C6orf118: variants seen among roughly 807,000 people sequenced by gnomAD.
C6orf118 encodes uncharacterized protein C6orf118.
C6orf118 carries 50 observed loss-of-function variants against 50.2 expected under a neutral mutation model. The observed-to-expected ratio is 1.00, with a 90% CI of 0.79 to 1.26. The LOEUF is 1.26. Ranked by LOEUF, C6orf118 falls within the 50% of genes most tolerant of loss-of-function variation. The pLI is 0.00. For missense variants in C6orf118, 641 were observed against 578.7 expected, an observed-to-expected ratio of 1.11 and a Z score of -1.10; for synonymous variants, 239 against 230.9, an observed-to-expected ratio of 1.03 and a Z score of -0.32.
rs1259778773 is a variant in C6orf118, at chr6:165,300,289, G to T, written c.876+75C>A. 1.1e-5 allele frequency: 17 copies of T among 1,549,322 alleles called. No individual in the cohort carries two copies. In the Middle Eastern group the frequency reaches 1.0e-3, roughly 93 times the overall value. On this transcript the variant is annotated intron_variant, in intron 3 of 8. Coordinates refer to ENST00000230301, the MANE Select transcript of C6orf118 (RefSeq NM_144980.4). The stretch of plus-strand genomic sequence containing the variant: ...GTGATACCTAGCAGAATTTCAGTGC[G>T]GCTTGAGATCATTCTTGTACACAGA...
At chr6:165,298,148 C>A (rs769601721) in intron 4 of C6orf118, 47 bp from the exon 5 acceptor site, 27 of 1,511,562 alleles carry the variant, frequency 1.8e-5, no homozygotes, top group Non-Finnish European at 2.3e-5. Context: ...ACAGGGAGGG[C>A]GGGAGGACTC....
intron 3 of C6orf118, 142 bp downstream of exon 3, chr6:165,300,222 G>A (rs760236827): frequency 4.4e-6 from 4 of 908,084 alleles, no homozygotes; most frequent in Non-Finnish European, 6.4e-6. Flanking sequence ...AGATGACCTC[G>A]AGTCTCTGGG....
intron 6 of C6orf118, among the ~76,000 whole-genome samples, chr6:165,292,182 A>C (rs1214768834): frequency 6.6e-6 from 1 of 152,244 alleles, no homozygotes; most frequent in East Asian, 1.9e-4. Context: ...TGTCAAGCCC[A>C]GGGAATGACC....
At chr6:165,289,758 A>AT in intron 7 of C6orf118, 128 bp downstream of exon 7, 1 of 499,516 alleles carries the variant, frequency 2.0e-6, no homozygotes, top group South Asian at 4.9e-5. Context: ...ACATTTTGAA[A>AT]TAAAAAGTAC....
chr6:165,291,854 C>T (rs896685964), intron 6 of C6orf118, among the ~76,000 whole-genome samples: 10 of 152,072 alleles, frequency 6.6e-5, no homozygotes, highest in Non-Finnish European at 1.3e-4. Flanking sequence ...GAGAAAAAAA[C>T]AATTACTACT....
rs200559586 is a variant in C6orf118, at chr6:165,282,647, C to T, written c.1303-954G>A. On this transcript the variant is annotated intron_variant, in intron 7 of 8. Transcript: ENST00000230301. ...TTGTAAATCCTCAATACATTCAGCTCTTTTTTTTTTTTTTCCTGGTTGGAA... is the reference window on the plus strand; with the variant it reads ...TTGTAAATCCTCAATACATTCAGCTTTTTTTTTTTTTTTTCCTGGTTGGAA... Among the ~76,000 whole-genome samples the T allele has an allele frequency of 5.9e-4, 83 of 141,130 alleles. 2 individuals carry two copies. In the East Asian group the frequency reaches 7.8e-3, roughly 13 times the overall value. The allele number at this position is 141,130 out of a possible 152,430, so 92.6% of individuals were successfully genotyped here.
intron 6 of C6orf118, chr6:165,293,208 A>G (rs1780165620): frequency 1.8e-6 from 1 of 548,106 alleles, no homozygotes; most frequent in Admixed American, 2.9e-5. Flanking sequence ...TAATGAAAAG[A>G]TGAAGAACAA....
At chr6:165,291,604 C>T (rs188931745) in intron 6 of C6orf118, among the ~76,000 whole-genome samples, 10 of 152,158 alleles carry the variant, frequency 6.6e-5, no homozygotes, top group South Asian at 2.1e-4. Context: ...CAAGAGGCCA[C>T]GTCTAATAGG....
Position 165,302,085 on chromosome 6 carries a change from G to A in C6orf118, c.237C>T (p.His79=). 6.2e-7 allele frequency: 1 copy of A among 1,614,024 alleles called. No individual in the cohort carries two copies. Among genetic ancestry groups the A allele is most frequent in the South Asian group, 1.1e-5 (1 of 91,072 alleles). The change falls in exon 2 of 9, where the codon CAC becomes CAT. Residue 79 remains histidine (H), a synonymous_variant. Coordinates refer to ENST00000230301, the MANE Select transcript of C6orf118 (RefSeq NM_144980.4). The part of the protein sequence containing the change: ...LYQPPETILQ[H]WPNAHRPKGE... ...CCTTGGGCCGGTGGGCATTGGGCCAGTGCTGTAAGATCGTCTCCGGAGGCT... is the reference window on the plus strand; with the variant it reads ...CCTTGGGCCGGTGGGCATTGGGCCAATGCTGTAAGATCGTCTCCGGAGGCT...
chr6:165,292,546 C>T (rs1257837516), intron 6 of C6orf118, among the ~76,000 whole-genome samples: 2 of 151,930 alleles, frequency 1.3e-5, no homozygotes, highest in East Asian at 1.9e-4. Context: ...GTTTTTAAAT[C>T]GTGGGCCTGT....
Position 165,301,982 on chromosome 6 carries a change from T to C in C6orf118, c.340A>G (p.Ile114Val), listed in dbSNP as rs1308959392. The stretch of plus-strand genomic sequence containing the variant: ...TCACTGGGGACCAGGGCCGTGTGGA[T>C]GGTGAAGTGGGCCAGGGCCTCCTTC... The part of the protein sequence containing the change: ...RMKEALAHFT[I>V]HTALVPSEAQ... The change falls in exon 2 of 9, where the codon ATC becomes GTC. Residue 114 changes from isoleucine (I) to valine (V), a missense_variant. Ile to Val is a conservative substitution (Grantham distance 29). Transcript: ENST00000230301. 2 of 1,613,678 alleles carry C rather than the reference T, an allele frequency of 1.2e-6. No individual in the cohort carries two copies. The highest frequency in any genetic ancestry group is 1.7e-5 in the Admixed American group (1 of 60,024).
intron 1 of C6orf118, among the ~76,000 whole-genome samples, chr6:165,306,486 A>AT (rs1369079026): frequency 5.2e-5 from 7 of 135,164 alleles, no homozygotes; most frequent in African/African-American, 1.7e-4. Context: ...AAAAAAAATT[A>AT]TAAAAAAAAA....
intron 6 of C6orf118, among the ~76,000 whole-genome samples, 170 bp from the exon 7 acceptor site, chr6:165,290,237 TTCC>T (rs1171999628): frequency 1.3e-5 from 2 of 152,186 alleles, no homozygotes; most frequent in Non-Finnish European, 1.5e-5. Context: ...AATGAGGGTA[TTCC>T]TCCTTTAATT....
At chr6:165,293,018 A>G (rs1264405132) in intron 6 of C6orf118, among the ~76,000 whole-genome samples, 1 of 152,226 alleles carries the variant, frequency 6.6e-6, no homozygotes, top group Non-Finnish European at 1.5e-5. Context: ...AAAGTTGGAA[A>G]ACAGTCAAAG....
chr6:165,298,113 C>T lies in C6orf118; in HGVS notation c.937-12G>A, dbSNP rs1301681630. On this transcript the variant is annotated splice_polypyrimidine_tract_variant and intron_variant, in intron 4 of 8. Coordinates refer to ENST00000230301, the MANE Select transcript of C6orf118 (RefSeq NM_144980.4). The stretch of plus-strand genomic sequence containing the variant: ...TGAGCCAGAAGAGCCTAGGCAGGAC[C>T]AGGTACATGAGGTGAGACAAGCACA... The T allele has an allele frequency of 6.4e-7, 1 of 1,573,892 alleles. No individual in the cohort carries two copies. The highest frequency in any genetic ancestry group is 8.6e-7 in the Non-Finnish European group (1 of 1,164,438).
intron 3 of C6orf118, 22 bp from the exon 4 acceptor site, chr6:165,299,524 T>C (rs188580263): frequency 6.2e-7 from 1 of 1,611,096 alleles, no homozygotes; most frequent in Non-Finnish European, 8.5e-7. Context: ...CAAACAAAAG[T>C]CCACTGGCCA....
chr6:165,299,352 C>A, intron 4 of C6orf118, 91 bp downstream of exon 4: 2 of 1,121,684 alleles, frequency 1.8e-6, no homozygotes, highest in Non-Finnish European at 2.7e-6. Flanking sequence ...ACACATGGGG[C>A]TTCTTGGATT....
intron 6 of C6orf118, among the ~76,000 whole-genome samples, chr6:165,291,964 G>A (rs1307214416): frequency 1.3e-5 from 2 of 152,166 alleles, no homozygotes; most frequent in African/African-American, 2.4e-5. Flanking sequence ...GCCAAATTTG[G>A]AAGAGGAGAA....
At chr6:165,285,469 G>C (rs1779870137) in intron 7 of C6orf118, among the ~76,000 whole-genome samples, 1 of 152,056 alleles carries the variant, frequency 6.6e-6, no homozygotes, top group Non-Finnish European at 1.5e-5. Flanking sequence ...TATGTACAGA[G>C]CTCTCCATCC....
Sources: gnomAD v4.1 joint callset for allele counts (sites outside exome capture counted in the v4.1 genomes callset) on GRCh38, gnomAD v4.1.1 for gene constraint, MANE v1.5 for transcripts, NCBI Gene and HGNC (gene_info 2026-07-23, HGNC 2026-07-21) for gene names.